DLG5: variants seen among roughly 807,000 people sequenced by gnomAD.
DLG5 encodes the protein disks large homolog 5.
In DLG5, 48 loss-of-function variants were observed where a neutral mutation model predicts 189.8. The observed-to-expected ratio is 0.25, with a 90% CI of 0.20 to 0.32. The LOEUF (loss-of-function observed/expected upper bound fraction) is 0.32, where lower values mean the gene tolerates loss of function less well. DLG5 is among the 10% of genes least tolerant of loss of function. The pLI is 1.00. For synonymous variants in DLG5, 1,016 were observed against 1,054.1 expected (o/e 0.96, Z 0.70); for missense variants, 2,160 against 2,544.7 (o/e 0.85, Z 3.25).
chr10:77,926,597 C>T lies in DLG5; in HGVS notation c.-77G>A. ...GGCCGGCGGGCGGGCAGGCGAGCAC[C>T]TCGGCAGCAGCCCTAGGGCGCCGGG... On this transcript the variant is annotated 5_prime_UTR_variant, in exon 1 of 32. Transcript: ENST00000372391. The surrounding 1 kb of genome is among the most constrained non-coding windows in gnomAD (Gnocchi z 5.2). 1 of 1,130,210 alleles carries T rather than the reference C, an allele frequency of 8.8e-7. No individual in the cohort carries two copies. Among genetic ancestry groups the T allele is most frequent in the Non-Finnish European group, 1.1e-6 (1 of 915,426 alleles). The allele number at this position is 1,130,210 out of a possible 1,614,324, so 70.0% of individuals were successfully genotyped here.
At chr10:77,927,061 G>A (rs541552890), upstream of DLG5, 29 of 220,194 alleles carry the variant, frequency 1.3e-4, 4 homozygotes, top group East Asian at 8.3e-4. Flanking sequence ...GGGGCCCCGC[G>A]GCCGCCACCC....
chr10:77,874,426 A>G (rs1387311081), intron 1 of DLG5, among the ~76,000 whole-genome samples: 1 of 152,180 alleles, frequency 6.6e-6, no homozygotes, highest in Non-Finnish European at 1.5e-5. Context: ...TAATCCAAAA[A>G]TCTCCAAAAT....
rs534311881 is a variant in DLG5 at position 77,792,027 on chromosome 10, G to A, written c.*413C>T. ...ACGGGAACGAAACCAACACCAAAGC[G>A]ACAGGGGGTTGACAGAGGGGACAGG... is the stretch of plus-strand genomic sequence containing the variant. On this transcript the variant is annotated 3_prime_UTR_variant, in exon 32 of 32. Transcript: ENST00000372391. 44 of 179,906 alleles carry A rather than the reference G, an allele frequency of 2.4e-4. 2 individuals are homozygous for A. In the South Asian group the frequency reaches 6.2e-3, roughly 25 times the overall value. The allele number at this position is 179,906 out of a possible 1,614,324, so 11.1% of individuals were successfully genotyped here. A position where few individuals can be genotyped will look rare whatever the true frequency, so the allele number is the denominator to read the frequency against.
At chr10:77,857,742 T>A (rs1282116093) in intron 2 of DLG5, among the ~76,000 whole-genome samples, 1 of 152,202 alleles carries the variant, frequency 6.6e-6, no homozygotes. Flanking sequence ...CATGGTGCTT[T>A]TATATTGAAC....
Position 77,793,995 on chromosome 10 carries a change from C to T in DLG5, c.5656+13G>A. 1 of 1,611,970 alleles carries T rather than the reference C, an allele frequency of 6.2e-7. No homozygotes were observed. Among genetic ancestry groups the T allele is most frequent in the Non-Finnish European group, 8.5e-7 (1 of 1,178,220 alleles). On this transcript the variant is annotated intron_variant, in intron 31 of 31. Coordinates refer to ENST00000372391, the MANE Select transcript of DLG5 (RefSeq NM_004747.4). ...TGCTGCCTGCTCCCCACTCCAGGCC[C>T]ACGCACACCTACCTGTGAAGTACCT...
At chr10:77,824,016 A>C (rs1180732139) in intron 14 of DLG5, among the ~76,000 whole-genome samples, 1 of 152,188 alleles carries the variant, frequency 6.6e-6, no homozygotes, top group Non-Finnish European at 1.5e-5. Flanking sequence ...TACAGGCATG[A>C]GCAACCATGC....
intron 1 of DLG5, among the ~76,000 whole-genome samples, chr10:77,900,946 T>G (rs1301168901): frequency 3.0e-5 from 4 of 133,026 alleles, no homozygotes; most frequent in Non-Finnish European, 6.4e-5. Context: ...AGTAAATAAA[T>G]AAATAAATAA....
intron 20 of DLG5, among the ~76,000 whole-genome samples, chr10:77,814,797 A>C (rs1017812575): frequency 1.3e-5 from 2 of 150,942 alleles, no homozygotes; most frequent in Admixed American, 6.6e-5. Context: ...TTGGTCTTGA[A>C]CTCCTGACCT....
In DLG5 at chr10:77,816,622, G is replaced by C; in HGVS notation, c.3954C>G (p.Ser1318=). The change falls in exon 20 of 32, where the codon TCC becomes TCG. Residue 1318 remains serine (S), a synonymous_variant. Transcript: ENST00000372391. ...NIDTLSSCSQ[S]QTSASTLPRI... ...TGGGCAATGTGGAGGCTGAGGTCTG[G>C]GACTGGCTACAAGAGGACAGGGTGT... is the stretch of plus-strand genomic sequence containing the variant. 2 of 1,614,142 alleles carry C rather than the reference G, an allele frequency of 1.2e-6. No individual in the cohort carries two copies. The highest frequency in any genetic ancestry group is 1.1e-5 in the South Asian group (1 of 91,076).
rs1013694651 is a variant in DLG5 at position 77,873,094 on chromosome 10, T to C, written c.305-3897A>G. 3.3e-5 allele frequency among the ~76,000 whole-genome samples: 5 copies of C among 151,306 alleles called. No individual in the cohort carries two copies. The South Asian group carries it at 6.3e-4, about 19-fold the overall frequency. ...CCACAAACTTGTGCAAGCTACCAAG[T>C]ACCATGCAGAGGTGCTGATGAGATC... On this transcript the variant is annotated intron_variant, in intron 1 of 31. Transcript: ENST00000372391.
chr10:77,861,290 A>G (rs1182138391), intron 2 of DLG5, among the ~76,000 whole-genome samples: 3 of 152,240 alleles, frequency 2.0e-5, no homozygotes, highest in Admixed American at 6.5e-5. Context: ...TCTATGCTAT[A>G]GTCAAGTTCA....
intron 2 of DLG5, among the ~76,000 whole-genome samples, chr10:77,858,937 G>C (rs1260365087): frequency 6.6e-6 from 1 of 152,110 alleles, no homozygotes; most frequent in Non-Finnish European, 1.5e-5. Context: ...CAGTGGCGCA[G>C]TCTCAGCTCA....
At chr10:77,911,929 C>T (rs566734907) in intron 1 of DLG5, among the ~76,000 whole-genome samples, 73 of 150,458 alleles carry the variant, frequency 4.9e-4, no homozygotes, top group Non-Finnish European at 9.0e-4. Context: ...CTGGGTGTGG[C>T]AACTCATGCC....
rs1476688154 is a variant in DLG5, at chr10:77,817,060, A to C, written c.3821T>G (p.Ile1274Ser). ...SSNLQFKAERIKIPSTPRYPR... is the reference protein window; with the variant it reads ...SSNLQFKAERSKIPSTPRYPR... Reference sequence around the variant, plus strand: ...ATATCTTGGTGTTGATGGGATTTTAATGCGTTCCGCCTTGAACTGCAAGTT... The same window carrying C: ...ATATCTTGGTGTTGATGGGATTTTACTGCGTTCCGCCTTGAACTGCAAGTT... The change falls in exon 19 of 32, where the codon ATT becomes AGT. Residue 1274 changes from isoleucine to serine, a missense_variant. Ile to Ser is a moderately radical substitution (Grantham distance 142). Transcript: ENST00000372391. 6.2e-7 allele frequency: 1 copy of C among 1,614,164 alleles called. No individual in the cohort carries two copies. Among genetic ancestry groups the C allele is most frequent in the Admixed American group, 1.7e-5 (1 of 59,998 alleles).
At chr10:77,815,836 A>G (rs1842023469) in intron 20 of DLG5, among the ~76,000 whole-genome samples, 1 of 152,206 alleles carries the variant, frequency 6.6e-6, no homozygotes, top group African/African-American at 2.4e-5. Flanking sequence ...AAGCTGTTAA[A>G]TATAAACACA....
chr10:77,882,684 G>A (rs914580598), intron 1 of DLG5, among the ~76,000 whole-genome samples: 1 of 152,138 alleles, frequency 6.6e-6, no homozygotes, highest in African/African-American at 2.4e-5. Context: ...GGCTGAGGCA[G>A]GTGGATCACT....
intron 1 of DLG5, among the ~76,000 whole-genome samples, chr10:77,902,917 G>A (rs1845972257): frequency 2.6e-5 from 4 of 151,370 alleles, no homozygotes; most frequent in South Asian, 4.2e-4. Context: ...GAGCCATTGA[G>A]CATCCCTCAT....
chr10:77,868,085 T>C, intron 2 of DLG5: 1 of 456,566 alleles, frequency 2.2e-6, no homozygotes, highest in South Asian at 1.5e-5. Context: ...GCCTTCAGCC[T>C]GCGTGGCCTC....
At chr10:77,820,251 C>A (rs559281735) in intron 15 of DLG5, 4 of 475,290 alleles carry the variant, frequency 8.4e-6, no homozygotes, top group African/African-American at 6.2e-5. Flanking sequence ...GAGGCTGAGG[C>A]AGGAGAATCG....
Sources: gnomAD v4.1 joint callset for allele counts (sites outside exome capture counted in the v4.1 genomes callset) on GRCh38, gnomAD v4.1.1 for gene constraint, Gnocchi (gnomAD v3.1) non-coding constraint, MANE v1.5 for transcripts, NCBI Gene and HGNC (gene_info 2026-07-23, HGNC 2026-07-21) for gene names.